The following SYTL4 variants were observed in gnomAD, a reference collection of about 807,000 sequenced individuals.
SYTL4 encodes the protein synaptotagmin like 4.
In SYTL4, 16 loss-of-function variants were observed where a neutral mutation model predicts 52.7. The ratio of observed to expected loss-of-function variants is 0.30; its 90% CI spans 0.21 to 0.46. The LOEUF is 0.46. Ranked by LOEUF, SYTL4 falls within the 20% of genes least tolerant of loss-of-function variation. SYTL4 has a pLI of 1.00. For missense variants in SYTL4, 423 were observed against 519.9 expected (o/e 0.81, Z 1.81); for synonymous variants, 160 against 186.6 (o/e 0.86, Z 1.16).
chrX:100,691,082 G>T, intron 9 of SYTL4, 26 bp downstream of exon 9: 1 of 1,104,941 alleles, frequency 9.1e-7, no homozygotes, highest in African/African-American at 1.8e-5. Flanking sequence ...GTTGAGAGGA[G>T]ATGAGGGAAA....
chrX:100,718,879 A>G (rs2084282684), intron 2 of SYTL4, among the ~76,000 whole-genome samples: 1 of 106,170 alleles, frequency 9.4e-6, no homozygotes, highest in African/African-American at 3.5e-5. Context: ...GCTCACCTCA[A>G]CCTCCGCCTC....
At chrX:100,677,712 G>A (rs2083303742) in intron 19 of SYTL4, among the ~76,000 whole-genome samples, 1 of 111,720 alleles carries the variant, frequency 9.0e-6, no homozygotes, top group South Asian at 3.8e-4. Flanking sequence ...GAAAAGGAGT[G>A]ATCTAGCATG....
chrX:100,724,001 T>A (rs1291549490), intron 2 of SYTL4, among the ~76,000 whole-genome samples: 1 of 83,663 alleles, frequency 1.2e-5, no homozygotes, highest in Non-Finnish European at 2.2e-5. Context: ...AGCCGCCCCG[T>A]CCGGGAGGGA....
chrX:100,703,994 A>G (rs965597533), intron 3 of SYTL4, among the ~76,000 whole-genome samples: 1 of 112,767 alleles, frequency 8.9e-6, no homozygotes, highest in South Asian at 3.6e-4. Context: ...GTTTTTACAT[A>G]TATCTTCCAT....
rs142162214 is a variant in SYTL4 at position 100,727,226 on chromosome X, T to C, written c.-240+4192A>G. On this transcript the variant is annotated intron_variant, in intron 2 of 19. Coordinates refer to ENST00000372989, the MANE Select transcript of SYTL4 (RefSeq NM_001370165.1). ...AAAACTTGCACTATATAATAGGCAA[T>C]GGGTAAATATAACTAATAAATATAG... 2.7e-5 allele frequency among the ~76,000 whole-genome samples: 3 copies of C among 112,443 alleles called. No individual in the cohort carries two copies. In the East Asian group the frequency reaches 8.3e-4, roughly 31 times the overall value.
At chrX:100,696,007 T>C (rs1012478171) in intron 8 of SYTL4, among the ~76,000 whole-genome samples, 4 of 112,095 alleles carry the variant, frequency 3.6e-5, no homozygotes, top group African/African-American at 1.3e-4. Flanking sequence ...ATTCATGTTA[T>C]TGCGTGTATC....
intron 2 of SYTL4, among the ~76,000 whole-genome samples, chrX:100,707,482 T>C (rs909112926): frequency 1.4e-4 from 16 of 111,632 alleles, no homozygotes; most frequent in African/African-American, 4.9e-4. Context: ...GAATGTTCTC[T>C]AGAAATTCAA....
intron 2 of SYTL4, among the ~76,000 whole-genome samples, chrX:100,714,262 G>T (rs1166517516): frequency 1.1e-5 from 1 of 88,935 alleles, no homozygotes; most frequent in East Asian, 3.6e-4. Context: ...TTTATGTCAA[G>T]ATTTTTTTTT....
At chrX:100,696,371 A>T (rs1178955872) in intron 8 of SYTL4, among the ~76,000 whole-genome samples, 1 of 112,261 alleles carries the variant, frequency 8.9e-6, no homozygotes, top group Non-Finnish European at 1.9e-5. Context: ...AATTTTTTTT[A>T]AATCCAGTTG....
rs1319191822 is a variant in SYTL4 at position 100,679,406 on chromosome X, C to T, written c.1565G>A (p.Gly522Asp). 1 of 1,203,324 alleles carries T rather than the reference C, an allele frequency of 8.3e-7. No individual in the cohort carries two copies. The highest frequency in any genetic ancestry group is 1.1e-6 in the Non-Finnish European group (1 of 888,066). Residue 522 changes from glycine (G) to aspartate (D), a missense_variant, in exon 18 of 20, where the codon GGT becomes GAT. Coordinates refer to ENST00000372989, the MANE Select transcript of SYTL4 (RefSeq NM_001370165.1). ...PVGGDRKKSK[G>D]GEGGELQVWI... ...CACCTGGAGCTCTCCCCCTTCCCCA[C>T]CTTTACCTGTAAGGGATGTCAGCCA... is the stretch of plus-strand genomic sequence containing the variant.
chrX:100,691,623 C>T (rs1384036243), intron 8 of SYTL4, among the ~76,000 whole-genome samples: 27 of 111,148 alleles, frequency 2.4e-4, no homozygotes, highest in Admixed American at 2.4e-3. Flanking sequence ...CTGCAAGCTC[C>T]GCCTCCTGGG....
chrX:100,724,884 A>AAAAG (rs1362861454), intron 2 of SYTL4, among the ~76,000 whole-genome samples: 98 of 107,896 alleles, frequency 9.1e-4, no homozygotes, highest in African/African-American at 2.1e-3. Flanking sequence ...GAAAAAAGAA[A>AAAAG]AAAAAAAAAA....
chrX:100,714,352 T>C (rs192605150), intron 2 of SYTL4, among the ~76,000 whole-genome samples: 179 of 108,854 alleles, frequency 1.6e-3, no homozygotes, highest in Admixed American at 6.2e-3. Flanking sequence ...CTCCGCCTCC[T>C]GGGTTCACGC....
chrX:100,719,394 T>C (rs1418758226), intron 2 of SYTL4, among the ~76,000 whole-genome samples: 1 of 111,178 alleles, frequency 9.0e-6, no homozygotes, highest in Non-Finnish European at 1.9e-5. Flanking sequence ...TTATACTGTC[T>C]CTTCATATTC....
At position 100,675,850 on chromosome X, in the gene SYTL4, C is replaced by G; in HGVS notation, c.*178G>C. 1 of 400,489 alleles carries G rather than the reference C, an allele frequency of 2.5e-6. No homozygotes were observed. The highest frequency in any genetic ancestry group is 4.1e-6 in the Non-Finnish European group (1 of 242,686). The allele number at this position is 400,489 out of a possible 1,213,427, so 33.0% of individuals were successfully genotyped here. A position where few individuals can be genotyped will look rare whatever the true frequency, so the allele number is the denominator to read the frequency against. Reference sequence around the variant, plus strand: ...AAAAGAAGAACAAGTCTGCATCACTCTAGCCAGCATAATGAGATTTGCAGA... The same window carrying G: ...AAAAGAAGAACAAGTCTGCATCACTGTAGCCAGCATAATGAGATTTGCAGA... On this transcript the variant is annotated 3_prime_UTR_variant, in exon 20 of 20. Transcript: ENST00000372989.
At position 100,686,039 on chromosome X, in the gene SYTL4, G is replaced by A; in HGVS notation, c.1400C>T (p.Ser467Phe). ...ATCCAGTTTCTTATCAAGCTTCCAG[G>A]AATCCATCTGGATCTCTGCCTCTCC... ...FLGEAEIQMD[S>F]WKLDKKLDHC... Residue 467 changes from serine to phenylalanine, a missense_variant, in exon 16 of 20, where the codon TCC becomes TTC. Ser to Phe is a radical substitution (Grantham distance 155, BLOSUM62 -2). Transcript: ENST00000372989. 8.3e-6 allele frequency: 10 copies of A among 1,205,030 alleles called. No individual in the cohort carries two copies. The highest frequency in any genetic ancestry group is 1.1e-5 in the Non-Finnish European group (10 of 891,982).
intron 17 of SYTL4, among the ~76,000 whole-genome samples, chrX:100,679,859 C>A (rs2083341553): frequency 8.9e-6 from 1 of 111,753 alleles, no homozygotes; most frequent in African/African-American, 3.3e-5. Flanking sequence ...CAATCCTCAC[C>A]TCCCAATTTA....
intron 2 of SYTL4, among the ~76,000 whole-genome samples, chrX:100,727,175 A>T (rs1291119557): frequency 8.9e-6 from 1 of 112,273 alleles, no homozygotes; most frequent in African/African-American, 3.2e-5. Flanking sequence ...GAACAAAGTT[A>T]TGACATATGA....
intron 12 of SYTL4, among the ~76,000 whole-genome samples, 182 bp downstream of exon 12, chrX:100,689,674 A>G (rs2083553082): frequency 9.3e-6 from 1 of 108,021 alleles, no homozygotes. Context: ...GAGATAGCAA[A>G]GACAGTCCTT....
Sources: gnomAD v4.1 joint callset for allele counts (sites outside exome capture counted in the v4.1 genomes callset) on GRCh38, gnomAD v4.1.1 for gene constraint, MANE v1.5 for transcripts, NCBI Gene and HGNC (gene_info 2026-07-23, HGNC 2026-07-21) for gene names.